CCSER1: variants seen among roughly 807,000 people sequenced by gnomAD.
The protein encoded by CCSER1 is coiled-coil serine rich protein 1.
CCSER1 carries 41 observed loss-of-function variants against 82.0 expected under a neutral mutation model. The observed-to-expected ratio is 0.50, with a 90% CI of 0.39 to 0.65. The LOEUF is 0.65. CCSER1 is among the 30% of genes least tolerant of loss of function. The probability of loss-of-function intolerance (pLI) is 0.00; values close to 1 mark genes in which losing one functional copy is unlikely to be tolerated. For missense variants in CCSER1, 1,119 were observed against 1,064.2 expected, an observed-to-expected ratio of 1.05 and a Z score of -0.72; for synonymous variants, 414 against 383.9, an observed-to-expected ratio of 1.08 and a Z score of -0.92.
chr4:90,572,208 C>G (rs1055245587), intron 5 of CCSER1, among the ~76,000 whole-genome samples: 1 of 152,078 alleles, frequency 6.6e-6, no homozygotes, highest in Non-Finnish European at 1.5e-5. Flanking sequence ...AAGGTTTCAG[C>G]TAAGAAGTGT....
Position 90,769,528 on chromosome 4 carries a change from C to G in CCSER1, c.2010+45537C>G, listed in dbSNP as rs184341078. Among the ~76,000 whole-genome samples, 8 of 152,280 alleles carry G rather than the reference C, an allele frequency of 5.3e-5. No individual in the cohort carries two copies. In the East Asian group the frequency reaches 1.5e-3, roughly 29 times the overall value. On this transcript the variant is annotated intron_variant, in intron 7 of 10. Coordinates refer to ENST00000509176, the MANE Select transcript of CCSER1 (RefSeq NM_001145065.2). ...TTCCAGTAATTGCATAATTGGACTT[C>G]AGAATTGTTATAGGCCAGTGGCTTT...
intron 5 of CCSER1, among the ~76,000 whole-genome samples, chr4:90,542,644 TAA>T (rs1337151000): frequency 2.0e-5 from 3 of 152,254 alleles, no homozygotes; most frequent in East Asian, 1.9e-4. Context: ...TTAGTAGACT[TAA>T]GAGTTATTTT....
rs368635278 is a variant in CCSER1, at chr4:90,719,066, G to A, written c.1933-4848G>A. On this transcript the variant is annotated intron_variant, in intron 6 of 10. Coordinates refer to ENST00000509176, the MANE Select transcript of CCSER1 (RefSeq NM_001145065.2). ...CTTCCTGGCCACGGACCACTGGTCCGTGGCCTGTTGGAACTGAGCCACACT... is the reference window on the plus strand; with the variant it reads ...CTTCCTGGCCACGGACCACTGGTCCATGGCCTGTTGGAACTGAGCCACACT... 3.0e-3 allele frequency among the ~76,000 whole-genome samples: 453 copies of A among 152,058 alleles called. 1 individual carries two copies. The highest frequency in any genetic ancestry group is 0.01 in the African/African-American group (418 of 41,496).
At chr4:91,019,399 T>C (rs1739723002) in intron 9 of CCSER1, among the ~76,000 whole-genome samples, 1 of 152,130 alleles carries the variant, frequency 6.6e-6, no homozygotes, top group Non-Finnish European at 1.5e-5. Context: ...CATGACTTAT[T>C]GATTCTAAAA....
At chr4:91,385,114 C>A (rs1751199198) in intron 10 of CCSER1, among the ~76,000 whole-genome samples, 1 of 151,708 alleles carries the variant, frequency 6.6e-6, no homozygotes, top group Non-Finnish European at 1.5e-5. Context: ...CCCAATAGTA[C>A]AAAAATACAA....
At chr4:91,425,814 T>C (rs1753936577) in intron 10 of CCSER1, among the ~76,000 whole-genome samples, 1 of 152,202 alleles carries the variant, frequency 6.6e-6, no homozygotes, top group South Asian at 2.1e-4. Context: ...TCTACAACAT[T>C]ATGTTTATAG....
chr4:91,059,323 C>CATATAGTGTATATATATGTGTATATATAA, intron 9 of CCSER1, among the ~76,000 whole-genome samples: 1 of 149,274 alleles, frequency 6.7e-6, no homozygotes, highest in Non-Finnish European at 1.5e-5. Flanking sequence ...TATATATATA[C>CATATAGTGTATATATATGTGTATATATAA]ATATAGTGTA....
intron 1 of CCSER1, among the ~76,000 whole-genome samples, chr4:90,203,715 G>A (rs959636707): frequency 6.6e-6 from 1 of 152,138 alleles, no homozygotes; most frequent in Non-Finnish European, 1.5e-5. Context: ...CAAGTAATGG[G>A]ATTGCTGGGT....
rs113391106 is a variant in CCSER1 at position 91,437,975 on chromosome 4, A to G, written c.2218-160597A>G. ...GCTTGCTTAGGTAAACAAAGCAGCC[A>G]GGAAGCTCGAACTGGGTGGAGCCCA... is the stretch of plus-strand genomic sequence containing the variant. On this transcript the variant is annotated intron_variant, in intron 10 of 10. Transcript: ENST00000509176. Among the ~76,000 whole-genome samples, 45 of 152,282 alleles carry G rather than the reference A, an allele frequency of 3.0e-4. 1 individual carries two copies. The highest frequency in any genetic ancestry group is 1.0e-3 in the African/African-American group (43 of 41,574).
intron 5 of CCSER1, among the ~76,000 whole-genome samples, chr4:90,528,030 T>C (rs1385405916): frequency 1.3e-5 from 2 of 152,158 alleles, no homozygotes; most frequent in African/African-American, 2.4e-5. Context: ...GATGATAACA[T>C]ACAAGCAGTT....
intron 6 of CCSER1, among the ~76,000 whole-genome samples, chr4:90,697,871 G>A (rs1737280643): frequency 6.6e-6 from 1 of 152,108 alleles, no homozygotes; most frequent in Admixed American, 6.6e-5. Context: ...AAGGATATAA[G>A]ACAGGCCCAC....
At chr4:90,442,999 G>A (rs10029803) in intron 4 of CCSER1, among the ~76,000 whole-genome samples, 1,575 of 152,218 alleles carry the variant, frequency 0.01, 22 homozygotes, top group African/African-American at 0.036. Flanking sequence ...GTCTGAAAAT[G>A]CTGATAGTTC....
chr4:90,141,224 G>A (rs1217210129), intron 1 of CCSER1, among the ~76,000 whole-genome samples: 3 of 152,054 alleles, frequency 2.0e-5, no homozygotes, highest in Middle Eastern at 3.2e-3. Context: ...TATTCTTGAT[G>A]CCTTCAACTC....
chr4:91,076,559 A>G (rs1290675328), intron 9 of CCSER1, among the ~76,000 whole-genome samples: 2 of 152,144 alleles, frequency 1.3e-5, no homozygotes, highest in African/African-American at 4.8e-5. Context: ...GTTTTATTTT[A>G]TGCTTACTAG....
At chr4:91,410,935 G>A (rs1010456760) in intron 10 of CCSER1, among the ~76,000 whole-genome samples, 1 of 151,892 alleles carries the variant, frequency 6.6e-6, no homozygotes, top group Admixed American at 6.6e-5. Context: ...AGTGATCTTA[G>A]CATCATATAC....
At chr4:91,022,825 T>C (rs938143086) in intron 9 of CCSER1, among the ~76,000 whole-genome samples, 21 of 152,216 alleles carry the variant, frequency 1.4e-4, no homozygotes, top group Non-Finnish European at 2.9e-4. Context: ...GAAGTGTCTG[T>C]TCATATCCTT....
intron 4 of CCSER1, among the ~76,000 whole-genome samples, chr4:90,420,343 C>A (rs1756499155): frequency 6.6e-6 from 1 of 151,998 alleles, no homozygotes; most frequent in Non-Finnish European, 1.5e-5. Flanking sequence ...AATGTTCTAA[C>A]TGGGAGAGAA....
intron 10 of CCSER1, among the ~76,000 whole-genome samples, chr4:91,163,455 T>C (rs1731664069): frequency 6.6e-6 from 1 of 152,090 alleles, no homozygotes; most frequent in African/African-American, 2.4e-5. Flanking sequence ...GTCTGCTTGG[T>C]GCAGAGCTGA....
chr4:91,500,173 G>C (rs1171455619), intron 10 of CCSER1, among the ~76,000 whole-genome samples: 2 of 151,946 alleles, frequency 1.3e-5, no homozygotes, highest in East Asian at 3.9e-4. Context: ...ACTCTATTAA[G>C]TGTGTAGTAG....
Sources: allele counts gnomAD v4.1 joint callset (sites outside exome capture counted in the v4.1 genomes callset), GRCh38; gene constraint gnomAD v4.1.1; transcripts MANE v1.5; gene names NCBI Gene and HGNC (gene_info 2026-07-23, HGNC 2026-07-21).